The following VAPB variants were observed in gnomAD, a reference collection of about 807,000 sequenced individuals.
VAPB encodes the protein VAMP associated protein B and C, also known as vesicle-associated membrane protein-associated protein B/C.
VAPB carries 7 observed loss-of-function variants against 25.6 expected under a neutral mutation model. That is an observed-to-expected ratio of 0.27 (90% CI 0.16 to 0.51). VAPB has a LOEUF of 0.51. Ranked by LOEUF, VAPB falls within the 20% of genes least tolerant of loss-of-function variation. The probability of loss-of-function intolerance (pLI) is 0.97; values close to 1 mark genes in which losing one functional copy is unlikely to be tolerated. For missense variants in VAPB, 266 were observed against 301.3 expected (o/e 0.88, Z 0.87); for synonymous variants, 112 against 109.2 (o/e 1.03, Z -0.16).
chr20:58,396,715 T>C (rs1987966712), intron 1 of VAPB, among the ~76,000 whole-genome samples: 1 of 152,174 alleles, frequency 6.6e-6, no homozygotes, highest in Admixed American at 6.5e-5. Context: ...TTTTGCAATA[T>C]AAGGGTAAAG....
At chr20:58,402,101 A>G (rs1287360018) in intron 1 of VAPB, among the ~76,000 whole-genome samples, 1 of 152,194 alleles carries the variant, frequency 6.6e-6, no homozygotes, top group Non-Finnish European at 1.5e-5. Flanking sequence ...TTGCTTGCTT[A>G]CAATCATTAA....
chr20:58,421,257 C>T (rs1988660977), intron 2 of VAPB, among the ~76,000 whole-genome samples: 1 of 152,200 alleles, frequency 6.6e-6, no homozygotes, highest in African/African-American at 2.4e-5. Context: ...ACTGCAGAAT[C>T]AACAGCATGG....
chr20:58,409,918 C>T (rs1179320493), intron 1 of VAPB, among the ~76,000 whole-genome samples: 1 of 151,974 alleles, frequency 6.6e-6, no homozygotes, highest in Non-Finnish European at 1.5e-5. Flanking sequence ...CACACACACA[C>T]ACACACACAC....
chr20:58,404,306 C>A (rs1217250373), intron 1 of VAPB, among the ~76,000 whole-genome samples: 1 of 152,192 alleles, frequency 6.6e-6, no homozygotes, highest in African/African-American at 2.4e-5. Context: ...TCTTTCACCC[C>A]TCTCGTACCC....
chr20:58,437,138 T>A (rs547839205), intron 3 of VAPB, among the ~76,000 whole-genome samples: 53 of 151,970 alleles, frequency 3.5e-4, no homozygotes, highest in African/African-American at 1.1e-3. Context: ...GCTATTTTTT[T>A]ATTTTTTTAT....
At chr20:58,391,676 G>A (rs149818274) in intron 1 of VAPB, among the ~76,000 whole-genome samples, 1 of 152,234 alleles carries the variant, frequency 6.6e-6, no homozygotes, top group East Asian at 1.9e-4. Flanking sequence ...TTACATACAG[G>A]CATGTGCCAC....
At chr20:58,407,519 C>G (rs1007342741) in intron 1 of VAPB, among the ~76,000 whole-genome samples, 3 of 151,944 alleles carry the variant, frequency 2.0e-5, no homozygotes, top group Admixed American at 6.6e-5. Context: ...TATAAATACC[C>G]CAGTATGGAG....
chr20:58,406,015 G>A (rs1284900450), intron 1 of VAPB, among the ~76,000 whole-genome samples: 1 of 152,076 alleles, frequency 6.6e-6, no homozygotes, highest in East Asian at 1.9e-4. Context: ...GACTGCTTTT[G>A]GCCTAAGCAG....
chr20:58,427,356 ATG>A (rs1988817229), intron 2 of VAPB, among the ~76,000 whole-genome samples: 1 of 150,278 alleles, frequency 6.7e-6, no homozygotes, highest in Admixed American at 6.6e-5. Flanking sequence ...TGTTACCATT[ATG>A]ATGCAGGTGA....
chr20:58,401,940 CCTT>C (rs1161666506), intron 1 of VAPB, among the ~76,000 whole-genome samples: 1 of 152,058 alleles, frequency 6.6e-6, no homozygotes, highest in African/African-American at 2.4e-5. Flanking sequence ...CAGTTCTGTC[CCTT>C]CTTCCCCATT....
chr20:58,410,402 A>G (rs982642437), intron 1 of VAPB, among the ~76,000 whole-genome samples: 5 of 151,924 alleles, frequency 3.3e-5, no homozygotes, highest in African/African-American at 1.2e-4. Flanking sequence ...AATTTTATCA[A>G]CACCGTATTT....
At chr20:58,400,368 C>T (rs911825543) in intron 1 of VAPB, among the ~76,000 whole-genome samples, 2 of 152,192 alleles carry the variant, frequency 1.3e-5, no homozygotes, top group Admixed American at 1.3e-4. Context: ...CCCACAGCAC[C>T]TACTGGTACT....
In VAPB at chr20:58,451,073, A is replaced by G. The variant is rs1317061247; in HGVS notation, c.*6838A>G. 2.4e-6 allele frequency: 1 copy of G among 415,412 alleles called. No homozygotes were observed. The highest frequency in any genetic ancestry group is 2.9e-5 in the Admixed American group (1 of 34,352). 25.7% of individuals were successfully genotyped at this position (415,412 alleles called of 1,614,324 possible). On this transcript the variant is annotated 3_prime_UTR_variant, in exon 6 of 6. Transcript: ENST00000475243. The stretch of plus-strand genomic sequence containing the variant: ...ACTAGCTGTCTCCATATTATGTTCA[A>G]TAAATTCTGTGCTCTGAATATATTT...
rs556955970 is a variant in VAPB at position 58,449,744 on chromosome 20, GGCT to G, written c.*5511_*5513del. The G allele has an allele frequency of 3.9e-4, 179 of 454,054 alleles. No homozygotes were observed. The highest frequency in any genetic ancestry group is 2.1e-3 in the Middle Eastern group (3 of 1,442). The allele number at this position is 454,054 out of a possible 1,614,324, so 28.1% of individuals were successfully genotyped here. A position where few individuals can be genotyped will look rare whatever the true frequency, so the allele number is the denominator to read the frequency against. On this transcript the variant is annotated 3_prime_UTR_variant, in exon 6 of 6. Transcript: ENST00000475243. ...TTACAATTGCTTTATTACACCCCAGGGCTGATGGAGATGTAATCACTTGGCTAA... is the reference window on the plus strand; with the variant it reads ...TTACAATTGCTTTATTACACCCCAGGGATGGAGATGTAATCACTTGGCTAA...
rs1204175006 is a variant in VAPB at position 58,444,513 on chromosome 20, A to T, written c.*278A>T. The T allele has an allele frequency of 1.8e-6, 1 of 566,188 alleles. No homozygotes were observed. The highest frequency in any genetic ancestry group is 1.5e-5 in the South Asian group (1 of 65,534). 35.1% of individuals were successfully genotyped at this position (566,188 alleles called of 1,614,324 possible). On this transcript the variant is annotated 3_prime_UTR_variant, in exon 6 of 6. Coordinates refer to ENST00000475243, the MANE Select transcript of VAPB (RefSeq NM_004738.5). ...AAACCATGAGTAATGCCACAATGGC[A>T]TATTGTAAATGTCATTTTAAACATT...
intron 2 of VAPB, among the ~76,000 whole-genome samples, chr20:58,428,185 C>G (rs1423553267): frequency 6.6e-6 from 1 of 152,192 alleles, no homozygotes; most frequent in African/African-American, 2.4e-5. Flanking sequence ...TCTTAATGAT[C>G]CAATGTTTTA....
At chr20:58,402,850 C>G (rs1988132403) in intron 1 of VAPB, among the ~76,000 whole-genome samples, 1 of 152,116 alleles carries the variant, frequency 6.6e-6, no homozygotes, top group Non-Finnish European at 1.5e-5. Flanking sequence ...ACTAAAAATA[C>G]AGAAATTAAC....
chr20:58,401,841 T>A (rs966969871), intron 1 of VAPB, among the ~76,000 whole-genome samples: 1 of 152,218 alleles, frequency 6.6e-6, no homozygotes, highest in African/African-American at 2.4e-5. Context: ...TACCACCTTT[T>A]CATTTTTTCC....
At position 58,418,267 on chromosome 20, in the gene VAPB, A is replaced by G. The variant is rs2123058770; in HGVS notation, c.115A>G (p.Asn39Asp). The G allele has an allele frequency of 6.2e-7, 1 of 1,614,104 alleles. No individual in the cohort carries two copies. The highest frequency in any genetic ancestry group is 2.2e-5 in the East Asian group (1 of 44,884). Residue 39 changes from asparagine (N) to aspartate (D), a missense_variant, in exon 2 of 6, where the codon AAT becomes GAT. Physicochemically the swap from Asn to Asp is conservative, Grantham distance 23 (BLOSUM62 1). This residue lies in a region of VAPB where 98 missense variants were observed against 147.1 expected (regional missense o/e 0.67). Transcript: ENST00000475243. ...NLKLGNPTDR[N>D]VCFKVKTTAP... ...AAAGCTTGGCAACCCGACAGACCGAAATGTGTGTTTTAAGGTGAAGACTAC... is the reference window on the plus strand; with the variant it reads ...AAAGCTTGGCAACCCGACAGACCGAGATGTGTGTTTTAAGGTGAAGACTAC...
Sources: gnomAD v4.1 joint callset for allele counts (sites outside exome capture counted in the v4.1 genomes callset) on GRCh38, gnomAD v4.1.1 for gene constraint, gnomAD v4.1.1 regional missense constraint, MANE v1.5 for transcripts, NCBI Gene and HGNC (gene_info 2026-07-23, HGNC 2026-07-21) for gene names.